DEPDC1B: variants seen among roughly 807,000 people sequenced by gnomAD.
The protein encoded by DEPDC1B is DEP domain containing 1B, also known as DEP domain-containing protein 1B.
Under a neutral mutation model 66.5 loss-of-function variants are expected in DEPDC1B, and 51 were observed. The observed-to-expected ratio is 0.77, with a 90% CI of 0.61 to 0.97. The LOEUF (loss-of-function observed/expected upper bound fraction) is 0.97, where lower values mean the gene tolerates loss of function less well. Among genes scored for constraint, DEPDC1B ranks in the 50% least tolerant of loss-of-function variants. The pLI is 0.00. For synonymous variants in DEPDC1B, 226 were observed against 223.6 expected, an observed-to-expected ratio of 1.01 and a Z score of -0.10; for missense variants, 552 against 637.1, an observed-to-expected ratio of 0.87 and a Z score of 1.44.
intron 6 of DEPDC1B, among the ~76,000 whole-genome samples, chr5:60,640,840 A>T (rs1753172822): frequency 6.6e-6 from 1 of 152,204 alleles, no homozygotes; most frequent in Non-Finnish European, 1.5e-5. Flanking sequence ...TAAGGATAGG[A>T]TGGACAAGAA....
chr5:60,675,614 T>C (rs1754135844), intron 2 of DEPDC1B, among the ~76,000 whole-genome samples: 1 of 152,260 alleles, frequency 6.6e-6, no homozygotes, highest in African/African-American at 2.4e-5. Context: ...TTTAAAACTT[T>C]GTTCAAAAAT....
At chr5:60,631,192 G>A (rs1221276388) in intron 7 of DEPDC1B, among the ~76,000 whole-genome samples, 1 of 152,190 alleles carries the variant, frequency 6.6e-6, no homozygotes, top group Non-Finnish European at 1.5e-5. Flanking sequence ...AGACTCAAAA[G>A]CAAGTGAAAA....
chr5:60,633,865 A>G (rs1029449981), intron 7 of DEPDC1B, among the ~76,000 whole-genome samples: 1 of 152,198 alleles, frequency 6.6e-6, no homozygotes, highest in Admixed American at 6.5e-5. Context: ...AGGCTATAAA[A>G]TACCATTTTA....
intron 2 of DEPDC1B, among the ~76,000 whole-genome samples, chr5:60,662,715 G>T (rs534250526): frequency 6.6e-6 from 1 of 152,212 alleles, no homozygotes; most frequent in African/African-American, 2.4e-5. Context: ...TCACTGGAAG[G>T]CCCACTGCCT....
At chr5:60,626,456 C>A (rs1464026994) in intron 7 of DEPDC1B, among the ~76,000 whole-genome samples, 1 of 152,092 alleles carries the variant, frequency 6.6e-6, no homozygotes, top group East Asian at 1.9e-4. Flanking sequence ...ATTTCTATAT[C>A]ACATGTTAAC....
chr5:60,668,940 A>G (rs1753967883), intron 2 of DEPDC1B, among the ~76,000 whole-genome samples: 1 of 152,214 alleles, frequency 6.6e-6, no homozygotes, highest in Non-Finnish European at 1.5e-5. Flanking sequence ...TTTAATCCTA[A>G]CATGATCATG....
chr5:60,700,061 G>C lies in DEPDC1B; in HGVS notation c.33C>G (p.Tyr11Ter). MEHRIVGPGP[Y>*]RATRLWNETV... ...ACTCACTCACCAGCCTGGTAGCTCG[G>C]TACGGCCCGGGCCCCACGATGCGAT... Residue 11 changes from tyrosine (Y) to a stop codon, truncating the protein, a stop_gained, in exon 1 of 11, where the codon TAC becomes TAG. Coordinates refer to ENST00000265036, the MANE Select transcript of DEPDC1B (RefSeq NM_018369.3). LOFTEE classifies it high-confidence loss of function. 1 of 1,558,162 alleles carries C rather than the reference G, an allele frequency of 6.4e-7. No individual in the cohort carries two copies. Among genetic ancestry groups the C allele is most frequent in the African/African-American group, 1.4e-5 (1 of 73,528 alleles).
intron 2 of DEPDC1B, among the ~76,000 whole-genome samples, chr5:60,685,210 C>T (rs577628774): frequency 1.2e-4 from 19 of 152,274 alleles, no homozygotes; most frequent in South Asian, 2.1e-4. Context: ...ATGTATGCAA[C>T]GGCCGGCTGT....
At chr5:60,629,777 T>C (rs1303603632) in intron 7 of DEPDC1B, among the ~76,000 whole-genome samples, 5 of 152,190 alleles carry the variant, frequency 3.3e-5, no homozygotes, top group Non-Finnish European at 7.4e-5. Flanking sequence ...TAACAACCCT[T>C]TCAGATATAT....
chr5:60,614,921 G>T (rs1049036714), intron 7 of DEPDC1B, among the ~76,000 whole-genome samples: 1 of 152,180 alleles, frequency 6.6e-6, no homozygotes, highest in African/African-American at 2.4e-5. Context: ...AACCTGGGAA[G>T]CAGAGGTTGC....
At chr5:60,614,048 G>A (rs900469606) in intron 7 of DEPDC1B, among the ~76,000 whole-genome samples, 46 of 152,230 alleles carry the variant, frequency 3.0e-4, no homozygotes, top group Non-Finnish European at 8.8e-5. Context: ...TGGTCCAGGG[G>A]ATGAAAGGGA....
chr5:60,615,867 AGT>A, intron 7 of DEPDC1B, among the ~76,000 whole-genome samples: 1 of 152,320 alleles, frequency 6.6e-6, no homozygotes, highest in East Asian at 1.9e-4. Context: ...CTGACTCCCG[AGT>A]AGCTTAACTG....
chr5:60,653,394 A>T (rs969418693), intron 2 of DEPDC1B, among the ~76,000 whole-genome samples: 4 of 151,782 alleles, frequency 2.6e-5, no homozygotes, highest in African/African-American at 9.7e-5. Flanking sequence ...CCATTCGCAT[A>T]TCTTTTTTTG....
rs539191566 is a variant in DEPDC1B, at chr5:60,677,072, A to C, written c.314+9890T>G. Among the ~76,000 whole-genome samples, 3 of 152,334 alleles carry C rather than the reference A, an allele frequency of 2.0e-5. No homozygotes were observed. In the South Asian group the frequency reaches 6.2e-4, roughly 32 times the overall value. On this transcript the variant is annotated intron_variant, in intron 2 of 10. Transcript: ENST00000265036. The stretch of plus-strand genomic sequence containing the variant: ...TTGCATATGCCCTTTTGCACTTTGT[A>C]AATTTCGAACCACATAAATGTATTA...
intron 2 of DEPDC1B, among the ~76,000 whole-genome samples, chr5:60,675,738 T>C (rs1487433176): frequency 6.6e-6 from 1 of 152,026 alleles, no homozygotes; most frequent in Non-Finnish European, 1.5e-5. Context: ...ACGGCTAGCA[T>C]TCTCATCTAG....
chr5:60,617,415 T>C (rs552482431), intron 7 of DEPDC1B, among the ~76,000 whole-genome samples: 5 of 152,156 alleles, frequency 3.3e-5, no homozygotes, highest in South Asian at 4.1e-4. Context: ...GAGACACACA[T>C]AGGCTCAAAT....
At chr5:60,691,405 C>T (rs1284338281) in intron 1 of DEPDC1B, among the ~76,000 whole-genome samples, 1 of 152,182 alleles carries the variant, frequency 6.6e-6, no homozygotes, top group African/African-American at 2.4e-5. Flanking sequence ...TTTAATCCCA[C>T]TAATTGCTAG....
At chr5:60,603,603 G>A (rs1454402387) in intron 8 of DEPDC1B, 36 bp from the exon 9 acceptor site, 6 of 1,535,896 alleles carry the variant, frequency 3.9e-6, no homozygotes, top group Non-Finnish European at 5.2e-6. Context: ...AAACGCAGAT[G>A]AGTATTTTTC....
chr5:60,634,707 AAAAT>A (rs935800132), intron 7 of DEPDC1B, among the ~76,000 whole-genome samples: 2 of 135,172 alleles, frequency 1.5e-5, no homozygotes, highest in Non-Finnish European at 3.1e-5. Flanking sequence ...AATAAATATA[AAAAT>A]AAATAAATAA....
Sources: gnomAD v4.1 joint callset for allele counts (sites outside exome capture counted in the v4.1 genomes callset) on GRCh38, gnomAD v4.1.1 for gene constraint, MANE v1.5 for transcripts, NCBI Gene and HGNC (gene_info 2026-07-23, HGNC 2026-07-21) for gene names.